The following LRSAM1 variants were observed in gnomAD, a reference collection of about 807,000 sequenced individuals.
The protein encoded by LRSAM1 is leucine rich repeat and sterile alpha motif containing 1.
In LRSAM1, 96 loss-of-function variants were observed where a neutral mutation model predicts 118.1. That is an observed-to-expected ratio of 0.81 (90% CI 0.69 to 0.96). The LOEUF (loss-of-function observed/expected upper bound fraction) is 0.96. LRSAM1 is among the 40% of genes least tolerant of loss of function. LRSAM1 has a pLI of 0.00. For missense variants in LRSAM1, 804 were observed against 915.5 expected (o/e 0.88, Z 1.57); for synonymous variants, 322 against 364.2 (o/e 0.88, Z 1.32).
At position 127,495,986 on chromosome 9, in the gene LRSAM1, T is replaced by C. The variant is rs768625749; in HGVS notation, c.1721T>C (p.Leu574Pro). The change falls in exon 23 of 26, where the codon CTG becomes CCG. Residue 574 changes from leucine to proline, a missense_variant. Transcript: ENST00000300417. Reference protein sequence around the residue: ...KLQEEGMERQLVALLEELSAE... With the variant: ...KLQEEGMERQPVALLEELSAE... ...CAGGAAGAGGGGATGGAGCGCCAGC[T>C]GGTGGCCCTCCTGGAGGAGCTGTCG... 1 of 1,613,030 alleles carries C rather than the reference T, an allele frequency of 6.2e-7. No individual in the cohort carries two copies. Among genetic ancestry groups the C allele is most frequent in the Non-Finnish European group, 8.5e-7 (1 of 1,179,994 alleles).
At chr9:127,484,246 T>C (rs902709013) in intron 16 of LRSAM1, among the ~76,000 whole-genome samples, 17 of 149,500 alleles carry the variant, frequency 1.1e-4, no homozygotes, top group Non-Finnish European at 2.1e-4. Flanking sequence ...TTATAGCATG[T>C]GTTTGAATTT....
intron 9 of LRSAM1, among the ~76,000 whole-genome samples, chr9:127,464,493 G>C (rs536480093): frequency 6.6e-6 from 1 of 152,264 alleles, no homozygotes; most frequent in South Asian, 2.1e-4. Context: ...TGTGTGTACA[G>C]CCAGGAACTA....
In LRSAM1 at chr9:127,497,320, C is replaced by A. The variant is rs762307490; in HGVS notation, c.1898C>A (p.Ala633Asp). Residue 633 changes from alanine (A) to aspartate (D), a missense_variant, in exon 24 of 26, where the codon GCC becomes GAC. By Grantham distance (126) the Ala-to-Asp change is moderately radical (BLOSUM62 -2). Transcript: ENST00000300417. The part of the protein sequence containing the change: ...LRRVQELLDA[A>D]RIQPELKPPM... ...AGAGTCCAGGAACTGCTGGATGCAG[C>A]CAGGATCCAGCCAGGTACAAGCACA... 6.2e-7 allele frequency: 1 copy of A among 1,612,326 alleles called. No individual in the cohort carries two copies.
At position 127,462,703 on chromosome 9, in the gene LRSAM1, AG is replaced by A. The variant is rs374225890; in HGVS notation, c.528+332del. Among the ~76,000 whole-genome samples, 475 of 152,242 alleles carry A rather than the reference AG, an allele frequency of 3.1e-3. 1 individual carries two copies. The highest frequency in any genetic ancestry group is 0.011 in the African/African-American group (456 of 41,538). ...GAGGGTGGTGGGGAGGGAGAGCATC[AG>A]GAAGAAAAGCTAATGGATGCTGGGC... On this transcript the variant is annotated intron_variant, in intron 9 of 25. Transcript: ENST00000300417.
In LRSAM1 at chr9:127,473,817, C is replaced by T. The variant is rs1345228128; in HGVS notation, c.636C>T (p.Tyr212=). The part of the protein sequence containing the change: ...QFLCKESGLE[Y]YPPSQYLLPI... ...CTCTTACAGAGTCAGGGCTGGAATA[C>T]TACCCCCCTTCTCAGTACTTGCTGC... Residue 212 remains tyrosine (Y), a synonymous_variant, in exon 11 of 26, where the codon TAC becomes TAT. Coordinates refer to ENST00000300417, the MANE Select transcript of LRSAM1 (RefSeq NM_001005373.4). The T allele has an allele frequency of 1.2e-6, 2 of 1,614,100 alleles. No homozygotes were observed. Among genetic ancestry groups the T allele is most frequent in the East Asian group, 2.2e-5 (1 of 44,890 alleles).
In LRSAM1 at chr9:127,451,650, G is replaced by C; in HGVS notation, c.-208G>C. On this transcript the variant is annotated 5_prime_UTR_variant, in exon 1 of 26. Coordinates refer to ENST00000300417, the MANE Select transcript of LRSAM1 (RefSeq NM_001005373.4). ...GGCTCCGGTGATCCCAGCCCTAGCT[G>C]TTTCCCATATTCCTTTATCGTGAGT... 1 of 432,306 alleles carries C rather than the reference G, an allele frequency of 2.3e-6. No homozygotes were observed. The allele number at this position is 432,306 out of a possible 1,614,324, so 26.8% of individuals were successfully genotyped here. A position where few individuals can be genotyped will look rare whatever the true frequency, so the allele number is the denominator to read the frequency against.
At chr9:127,501,338 G>A (rs1290527321) in intron 25 of LRSAM1, among the ~76,000 whole-genome samples, 195 bp downstream of exon 25, 11 of 151,936 alleles carry the variant, frequency 7.2e-5, no homozygotes, top group Admixed American at 2.0e-4. Context: ...ATCATTTTCC[G>A]GACCTTTTTC....
chr9:127,485,928 C>A (rs1029862196), intron 17 of LRSAM1, 93 bp downstream of exon 17: 3 of 1,188,700 alleles, frequency 2.5e-6, no homozygotes, highest in African/African-American at 3.0e-5. Context: ...CTAAACCTCC[C>A]GCCCTGGGCC....
chr9:127,482,266 C>T (rs1835570121), intron 15 of LRSAM1, among the ~76,000 whole-genome samples: 1 of 151,920 alleles, frequency 6.6e-6, no homozygotes, highest in Middle Eastern at 3.4e-3. Flanking sequence ...CCTCAGCATC[C>T]CGAGTAGCTG....
At chr9:127,493,829 C>G (rs1836022433) in intron 21 of LRSAM1, among the ~76,000 whole-genome samples, 1 of 152,182 alleles carries the variant, frequency 6.6e-6, no homozygotes, top group Non-Finnish European at 1.5e-5. Context: ...CCAGGCTCAC[C>G]ATCTGGGGTG....
chr9:127,455,434 C>T, intron 4 of LRSAM1, 142 bp from the exon 5 acceptor site: 3 of 852,710 alleles, frequency 3.5e-6, no homozygotes, highest in Admixed American at 3.7e-5. Context: ...CAGCCTTGCC[C>T]CTGGGCTCAG....
At chr9:127,479,575 A>C in intron 13 of LRSAM1, 70 bp downstream of exon 13, 1 of 1,600,118 alleles carries the variant, frequency 6.2e-7, no homozygotes, top group Non-Finnish European at 8.5e-7. Flanking sequence ...GCTTGGGCCA[A>C]GGTCCCTCGG....
At chr9:127,452,640 A>C (rs1020467293) in intron 2 of LRSAM1, among the ~76,000 whole-genome samples, 1 of 152,212 alleles carries the variant, frequency 6.6e-6, no homozygotes, top group South Asian at 2.1e-4. Context: ...ACATACATGA[A>C]GTCGCTGGAT....
chr9:127,503,034 A>G lies in LRSAM1; in HGVS notation c.*135A>G. The G allele has an allele frequency of 8.3e-7, 1 of 1,211,186 alleles. No homozygotes were observed. Among genetic ancestry groups the G allele is most frequent in the South Asian group, 1.3e-5 (1 of 75,398 alleles). The allele number at this position is 1,211,186 out of a possible 1,614,324, so 75.0% of individuals were successfully genotyped here. ...CTGGGCCCCTTCCCCACTGCCCAGG[A>G]GCCCCCATCCTAAGCTCCAAGCATG... is the stretch of plus-strand genomic sequence containing the variant. On this transcript the variant is annotated 3_prime_UTR_variant, in exon 26 of 26. Transcript: ENST00000300417.
At chr9:127,456,865 CAAA>C (rs563447915) in intron 5 of LRSAM1, among the ~76,000 whole-genome samples, 8 of 99,644 alleles carry the variant, frequency 8.0e-5, no homozygotes, top group Admixed American at 2.2e-4. Context: ...GAGTTGGTCT[CAAA>C]AAAAAAAAAA....
chr9:127,471,726 G>A (rs1192320946), intron 10 of LRSAM1, among the ~76,000 whole-genome samples: 1 of 151,510 alleles, frequency 6.6e-6, no homozygotes, highest in African/African-American at 2.4e-5. Flanking sequence ...GGCAGAGGCT[G>A]CAGTGAGCTG....
chr9:127,472,767 A>G (rs1350495620), intron 10 of LRSAM1, among the ~76,000 whole-genome samples: 2 of 152,212 alleles, frequency 1.3e-5, no homozygotes, highest in Non-Finnish European at 2.9e-5. Context: ...TTCCTGTCTC[A>G]TAGTACGGTT....
At chr9:127,455,096 C>A in intron 4 of LRSAM1, 42 bp downstream of exon 4, 2 of 1,596,210 alleles carry the variant, frequency 1.3e-6, no homozygotes, top group Middle Eastern at 1.7e-4. Context: ...GGATCTGTCC[C>A]GTTTTCTTGG....
At chr9:127,464,486 G>A (rs913506168) in intron 9 of LRSAM1, among the ~76,000 whole-genome samples, 2 of 152,148 alleles carry the variant, frequency 1.3e-5, no homozygotes, top group African/African-American at 4.8e-5. Context: ...TGTGGCTTGT[G>A]TGTACAGCCA....
Sources: allele counts gnomAD v4.1 joint callset (sites outside exome capture counted in the v4.1 genomes callset), GRCh38; gene constraint gnomAD v4.1.1; transcripts MANE v1.5; gene names NCBI Gene and HGNC (gene_info 2026-07-23, HGNC 2026-07-21).